The following CTNND1 variants were observed in gnomAD, a reference collection of about 807,000 sequenced individuals.
The protein encoded by CTNND1 is catenin delta 1, also known as catenin delta-1.
Under a neutral mutation model 112.1 loss-of-function variants are expected in CTNND1, and 16 were observed. The observed-to-expected ratio is 0.14, with a 90% CI of 0.10 to 0.22. CTNND1 has a LOEUF of 0.22. Ranked by LOEUF, CTNND1 falls within the 10% of genes least tolerant of loss-of-function variation. The probability of loss-of-function intolerance (pLI) is 1.00; values close to 1 mark genes in which losing one functional copy is unlikely to be tolerated. For synonymous variants in CTNND1, 420 were observed against 446.5 expected, an observed-to-expected ratio of 0.94 and a Z score of 0.75; for missense variants, 1,008 against 1,257.0, an observed-to-expected ratio of 0.80 and a Z score of 3.00.
In CTNND1 at chr11:57,791,552, A is replaced by G; in HGVS notation, c.74A>G (p.Lys25Arg). 1 of 1,610,236 alleles carries G rather than the reference A, an allele frequency of 6.2e-7. No individual in the cohort carries two copies. The highest frequency in any genetic ancestry group is 8.5e-7 in the Non-Finnish European group (1 of 1,178,486). Reference protein sequence around the residue: ...SVKEQEAQFEKLTRALEEERR... With the variant: ...SVKEQEAQFERLTRALEEERR... ...AAGGAACAAGAGGCCCAGTTTGAGA[A>G]GCTGACCCGGGCGCTGGAGGAGGAA... The change falls in exon 3 of 21, where the codon AAG becomes AGG. Residue 25 changes from lysine to arginine, a missense_variant. Transcript: ENST00000399050.
chr11:57,804,020 C>G, intron 8 of CTNND1: 1 of 395,318 alleles, frequency 2.5e-6, no homozygotes, highest in Non-Finnish European at 4.5e-6. Context: ...CCCACACATC[C>G]TCTTCACTTT....
chr11:57,783,297 C>A lies in CTNND1; in HGVS notation c.-213-5740C>A, dbSNP rs575398572. 1.1e-3 allele frequency among the ~76,000 whole-genome samples: 169 copies of A among 149,340 alleles called. 2 individuals carry two copies. Among genetic ancestry groups the A allele is most frequent in the Middle Eastern group, 3.5e-3 (1 of 284 alleles). On this transcript the variant is annotated intron_variant, in intron 1 of 20. Transcript: ENST00000399050. Reference sequence around the variant, plus strand: ...TCCATCTCAAAAACAAACAAACAAACAAAAAAAAACGTGGAACATCAAGTG... The same window carrying A: ...TCCATCTCAAAAACAAACAAACAAAAAAAAAAAAACGTGGAACATCAAGTG...
At chr11:57,765,460 A>ATTTTTTT (rs5792061) in intron 1 of CTNND1, among the ~76,000 whole-genome samples, 5 of 105,590 alleles carry the variant, frequency 4.7e-5, no homozygotes, top group Non-Finnish European at 7.5e-5. Context: ...TCCTCCCTTA[A>ATTTTTTT]TTTTTTTTTT....
chr11:57,814,713 A>G (rs535577277), intron 18 of CTNND1, among the ~76,000 whole-genome samples: 6 of 151,862 alleles, frequency 4.0e-5, no homozygotes, highest in Admixed American at 2.0e-4. Flanking sequence ...TTGCTATTCT[A>G]TCTATTCACT....
chr11:57,798,927 G>T (rs2061681726), intron 6 of CTNND1, among the ~76,000 whole-genome samples: 2 of 152,180 alleles, frequency 1.3e-5, no homozygotes, highest in Admixed American at 6.6e-5. Flanking sequence ...TGTTTTCCAG[G>T]TAAAGAGAAA....
At chr11:57,763,141 G>A (rs1565260410) in intron 1 of CTNND1, among the ~76,000 whole-genome samples, 1 of 152,068 alleles carries the variant, frequency 6.6e-6, no homozygotes. Flanking sequence ...GCCCATGACT[G>A]TGCTTTCATA....
intron 17 of CTNND1, 64 bp downstream of exon 17, chr11:57,811,550 A>C: frequency 9.6e-7 from 1 of 1,046,108 alleles, no homozygotes; most frequent in Non-Finnish European, 1.5e-6. Flanking sequence ...GTGGCTTACT[A>C]AGAAATAGGA....
chr11:57,809,455 C>T lies in CTNND1; in HGVS notation c.2424C>T (p.Ile808=). The stretch of plus-strand genomic sequence containing the variant: ...AGGGTATTGAGAAGCTGGTGTTGAT[C>T]AACAAATCAGGGTGAGCTTACCACC... ...ETQGIEKLVL[I]NKSGNRSEKE... The change falls in exon 15 of 21, where the codon ATC becomes ATT. Residue 808 remains isoleucine, a synonymous_variant. Transcript: ENST00000399050. 6.2e-7 allele frequency: 1 copy of T among 1,611,050 alleles called. No individual in the cohort carries two copies. The highest frequency in any genetic ancestry group is 1.3e-5 in the African/African-American group (1 of 75,014).
chr11:57,795,272 T>C (rs1017500803), intron 4 of CTNND1, among the ~76,000 whole-genome samples: 1 of 152,218 alleles, frequency 6.6e-6, no homozygotes, highest in African/African-American at 2.4e-5. Context: ...TGAAACTGCA[T>C]TTAACACAGT....
At chr11:57,805,754 T>C (rs796649525) in intron 9 of CTNND1, 128 bp from the exon 10 acceptor site, 2 of 1,083,352 alleles carry the variant, frequency 1.8e-6, no homozygotes, top group South Asian at 3.3e-5. Flanking sequence ...AGAGGCATCC[T>C]GAGAAGTTAT....
chr11:57,786,674 A>C (rs2060174742), intron 1 of CTNND1, among the ~76,000 whole-genome samples: 1 of 152,218 alleles, frequency 6.6e-6, no homozygotes, highest in South Asian at 2.1e-4. Flanking sequence ...CATGAGAAGA[A>C]TCTTTTTTCC....
At chr11:57,812,883 G>A (rs1350538003) in intron 17 of CTNND1, among the ~76,000 whole-genome samples, 2 of 152,198 alleles carry the variant, frequency 1.3e-5, no homozygotes, top group Non-Finnish European at 2.9e-5. Flanking sequence ...TCAGATGTGC[G>A]CATTTGGCAG....
At chr11:57,807,044 G>A in intron 12 of CTNND1, 61 bp downstream of exon 12, 1 of 1,298,204 alleles carries the variant, frequency 7.7e-7, no homozygotes, top group South Asian at 1.3e-5. Context: ...AAGATATTTA[G>A]TAACCTAACA....
Position 57,808,209 on chromosome 11 carries a change from T to A in CTNND1, c.2008T>A (p.Ser670Thr). 6.2e-7 allele frequency: 1 copy of A among 1,613,878 alleles called. No homozygotes were observed. Among genetic ancestry groups the A allele is most frequent in the Non-Finnish European group, 8.5e-7 (1 of 1,179,788 alleles). ...GCCAGAGGTGGTTCGGATATACATC[T>A]CACTTCTTAAGGAGAGCAAGACTCC... ...FQPEVVRIYISLLKESKTPAI... is the reference protein window; with the variant it reads ...FQPEVVRIYITLLKESKTPAI... Residue 670 changes from serine (S) to threonine (T), a missense_variant, in exon 13 of 21, where the codon TCA becomes ACA. Physicochemically the swap from Ser to Thr is moderately conservative, Grantham distance 58 (BLOSUM62 1). Around this residue, in one of 5 missense-constraint regions of CTNND1, gnomAD observed 254 missense variants for 279.5 expected, o/e 0.91. Transcript: ENST00000399050.
chr11:57,763,697 T>C (rs956746276), intron 1 of CTNND1, among the ~76,000 whole-genome samples: 1 of 152,248 alleles, frequency 6.6e-6, no homozygotes, highest in Non-Finnish European at 1.5e-5. Flanking sequence ...ATGTTCTCTC[T>C]GCCTTGACTC....
At chr11:57,803,092 T>C (rs2062197768) in intron 7 of CTNND1, among the ~76,000 whole-genome samples, 1 of 152,118 alleles carries the variant, frequency 6.6e-6, no homozygotes, top group Non-Finnish European at 1.5e-5. Flanking sequence ...TCGGAGAGCA[T>C]TGAGCATTGC....
chr11:57,796,396 A>AT, intron 5 of CTNND1, 61 bp from the exon 6 acceptor site: 1 of 1,473,856 alleles, frequency 6.8e-7, no homozygotes, highest in Non-Finnish European at 9.0e-7. Flanking sequence ...CAAAAAAAAA[A>AT]AAAGAATTTA....
At chr11:57,807,125 T>C (rs767527717) in intron 12 of CTNND1, 142 bp downstream of exon 12, 10 of 739,010 alleles carry the variant, frequency 1.4e-5, no homozygotes, top group Admixed American at 2.6e-5. Flanking sequence ...TGTGAAAGTA[T>C]TGGGAAGCTG....
chr11:57,813,757 A>AG lies in CTNND1; in HGVS notation c.2639-553dup, dbSNP rs1300298573. 3.3e-5 allele frequency among the ~76,000 whole-genome samples: 5 copies of AG among 152,250 alleles called. No individual in the cohort carries two copies. In the East Asian group the frequency reaches 9.6e-4, roughly 29 times the overall value. ...CATATCACAAAAGATTGAATGCAGA[A>AG]GCAGGTATGAGAATCTAAGCCAAAT... On this transcript the variant is annotated intron_variant, in intron 17 of 20. Transcript: ENST00000399050.
Sources: gnomAD v4.1 joint callset for allele counts (sites outside exome capture counted in the v4.1 genomes callset) on GRCh38, gnomAD v4.1.1 for gene constraint, gnomAD v4.1.1 regional missense constraint, MANE v1.5 for transcripts, NCBI Gene and HGNC (gene_info 2026-07-23, HGNC 2026-07-21) for gene names.